CPVL: variants seen among roughly 807,000 people sequenced by gnomAD.
CPVL encodes carboxypeptidase vitellogenic like, also known as probable serine carboxypeptidase CPVL.
CPVL carries 51 observed loss-of-function variants against 63.7 expected under a neutral mutation model. That is an observed-to-expected ratio of 0.80 (90% CI 0.64 to 1.01). The LOEUF (loss-of-function observed/expected upper bound fraction) is 1.01, where lower values mean the gene tolerates loss of function less well. CPVL is among the 50% of genes least tolerant of loss of function. The pLI, the probability that CPVL is intolerant of heterozygous loss-of-function variation, is 0.00. For missense variants in CPVL, 530 were observed against 573.1 expected (o/e 0.92, Z 0.77); for synonymous variants, 195 against 206.0 (o/e 0.95, Z 0.46).
intron 4 of CPVL, among the ~76,000 whole-genome samples, chr7:29,181,827 G>A (rs1391598052): frequency 2.0e-5 from 3 of 152,028 alleles, no homozygotes; most frequent in Non-Finnish European, 4.4e-5. Flanking sequence ...AATGTAAACT[G>A]CAAAAATCAG....
intron 12 of CPVL, among the ~76,000 whole-genome samples, chr7:29,027,367 T>C (rs1787598815): frequency 6.6e-6 from 1 of 151,376 alleles, no homozygotes; most frequent in Non-Finnish European, 1.5e-5. Context: ...ACAACAAACA[T>C]CATCATACTG....
At chr7:29,099,385 A>C (rs368939027) in intron 3 of CPVL, among the ~76,000 whole-genome samples, 2 of 152,314 alleles carry the variant, frequency 1.3e-5, no homozygotes, top group East Asian at 3.9e-4. Flanking sequence ...AATGTCTATG[A>C]ACAAGTCAAC....
intron 12 of CPVL, chr7:29,013,161 C>G (rs1786021991): frequency 1.3e-5 from 2 of 152,170 alleles, no homozygotes. Context: ...GTGGAAAAGT[C>G]CAGGCCAGGA....
intron 11 of CPVL, among the ~76,000 whole-genome samples, chr7:29,043,284 T>C (rs1789300874): frequency 6.6e-6 from 1 of 151,956 alleles, no homozygotes. Context: ...TATGTTTTTA[T>C]CTAGACAGGA....
chr7:29,157,324 C>G (rs573285391), intron 5 of CPVL, among the ~76,000 whole-genome samples: 2 of 151,952 alleles, frequency 1.3e-5, no homozygotes, highest in Admixed American at 1.3e-4. Context: ...AAATTGCAAT[C>G]CTTCTCCACT....
At chr7:29,028,273 C>T (rs1052301640) in intron 12 of CPVL, among the ~76,000 whole-genome samples, 7 of 152,164 alleles carry the variant, frequency 4.6e-5, no homozygotes, top group African/African-American at 1.7e-4. Context: ...CCCTATCTCT[C>T]ACCATATACA....
chr7:29,050,624 C>T (rs1790051314), intron 11 of CPVL, among the ~76,000 whole-genome samples: 1 of 152,100 alleles, frequency 6.6e-6, no homozygotes, highest in Non-Finnish European at 1.5e-5. Context: ...ACATCCCATA[C>T]TTATGGATGG....
chr7:29,096,984 CAAAAAAAAAAAAAAAA>C (rs1165892123), intron 3 of CPVL, among the ~76,000 whole-genome samples: 1 of 51,192 alleles, frequency 2.0e-5, no homozygotes, highest in Non-Finnish European at 3.8e-5. Flanking sequence ...GACTCTGTCT[CAAAAAAAAAAAAAAAA>C]AAAAAAAAAG....
chr7:29,153,070 G>C (rs245894), intron 5 of CPVL, among the ~76,000 whole-genome samples: 85,389 of 152,114 alleles, frequency 0.56, 24,819 homozygotes, highest in African/African-American at 0.72. Flanking sequence ...CCACCATGTT[G>C]TAGCACAGAA....
intron 3 of CPVL, among the ~76,000 whole-genome samples, chr7:29,105,277 G>A (rs1787609531): frequency 6.6e-6 from 1 of 152,194 alleles, no homozygotes; most frequent in African/African-American, 2.4e-5. Flanking sequence ...ACTGGACCAA[G>A]GAAGAAGACG....
chr7:29,028,482 CAGACAAATGGGTCTATATTA>C (rs1377861461), intron 12 of CPVL, among the ~76,000 whole-genome samples: 2 of 152,080 alleles, frequency 1.3e-5, no homozygotes. Context: ...AAACCATAAA[CAGACAAATGGGTCTATATTA>C]AACTAAAAAG....
intron 7 of CPVL, among the ~76,000 whole-genome samples, chr7:29,079,131 AAGAC>A (rs1300179971): frequency 6.6e-6 from 1 of 152,226 alleles, no homozygotes. Context: ...CTTGGCCAGA[AAGAC>A]AGAGACATTC....
chr7:29,181,805 A>G (rs1043822175), intron 4 of CPVL, among the ~76,000 whole-genome samples: 1 of 152,194 alleles, frequency 6.6e-6, no homozygotes, highest in African/African-American at 2.4e-5. Context: ...ATGAATGTTC[A>G]TATTGCTATG....
chr7:29,072,523 C>T, intron 7 of CPVL, 100 bp from the exon 8 acceptor site: 3 of 1,328,928 alleles, frequency 2.3e-6, no homozygotes, highest in Non-Finnish European at 3.2e-6. Flanking sequence ...GCAATCTTTC[C>T]ACATGAGGTA....
chr7:29,059,260 A>G (rs543446700), intron 11 of CPVL, among the ~76,000 whole-genome samples: 3 of 152,114 alleles, frequency 2.0e-5, no homozygotes, highest in South Asian at 4.2e-4. Flanking sequence ...TGATTCTTAT[A>G]ATCTCCATAT....
chr7:29,088,615 G>A (rs1279837052), intron 6 of CPVL, among the ~76,000 whole-genome samples: 2 of 152,156 alleles, frequency 1.3e-5, no homozygotes, highest in Non-Finnish European at 2.9e-5. Context: ...ATTACATGGT[G>A]AGCATTTTCT....
At chr7:29,193,243 T>G (rs1783127579) in intron 1 of CPVL, 1 of 152,180 alleles carries the variant, frequency 6.6e-6, no homozygotes, top group South Asian at 2.1e-4. Flanking sequence ...CACACTGGGA[T>G]AGTATCCTGG....
chr7:29,043,769 T>C (rs756454665), intron 11 of CPVL, among the ~76,000 whole-genome samples: 25 of 152,220 alleles, frequency 1.6e-4, no homozygotes, highest in Non-Finnish European at 2.9e-4. Flanking sequence ...TTCTACAACA[T>C]AGACCAGGCA....
chr7:29,048,853 G>T (rs1471760115), intron 11 of CPVL, among the ~76,000 whole-genome samples: 1 of 151,956 alleles, frequency 6.6e-6, no homozygotes, highest in Non-Finnish European at 1.5e-5. Flanking sequence ...GATAAAACTG[G>T]AAATCAACTC....
Sources: gnomAD v4.1 joint callset for allele counts (sites outside exome capture counted in the v4.1 genomes callset) on GRCh38, gnomAD v4.1.1 for gene constraint, MANE v1.5 for transcripts, NCBI Gene and HGNC (gene_info 2026-07-23, HGNC 2026-07-21) for gene names.